The following SEMA6D variants were observed in gnomAD, a reference collection of about 807,000 sequenced individuals.
SEMA6D encodes the protein semaphorin 6D.
SEMA6D carries 35 observed loss-of-function variants against 106.6 expected under a neutral mutation model. The ratio of observed to expected loss-of-function variants is 0.33; its 90% CI spans 0.25 to 0.44. The LOEUF (loss-of-function observed/expected upper bound fraction) is 0.44, where lower values mean the gene tolerates loss of function less well. Among genes scored for constraint, SEMA6D ranks in the 20% least tolerant of loss-of-function variants. The pLI, the probability that SEMA6D is intolerant of heterozygous loss-of-function variation, is 1.00. For missense variants in SEMA6D, 1,185 were observed against 1,345.9 expected, an observed-to-expected ratio of 0.88 and a Z score of 1.87; for synonymous variants, 499 against 487.7, an observed-to-expected ratio of 1.02 and a Z score of -0.31.
chr15:47,610,178 G>T (rs1312947814), intron 4 of SEMA6D, among the ~76,000 whole-genome samples: 1 of 152,188 alleles, frequency 6.6e-6, no homozygotes, highest in Non-Finnish European at 1.5e-5. Context: ...TCTTCCTCCA[G>T]GACCTAGCCA....
chr15:47,289,393 C>CAAAAAAA (rs746946975), intron 1 of SEMA6D, among the ~76,000 whole-genome samples: 72 of 46,406 alleles, frequency 1.6e-3, no homozygotes, highest in East Asian at 7.5e-3. Context: ...AACTCCATCT[C>CAAAAAAA]AAAAAAAAAA....
rs766537450 is a variant in SEMA6D at position 47,547,377 on chromosome 15, A to G, written c.-86-53488A>G. Among the ~76,000 whole-genome samples the G allele has an allele frequency of 7.9e-5, 12 of 152,156 alleles. 1 individual carries two copies. The highest frequency in any genetic ancestry group is 1.5e-4 in the Non-Finnish European group (10 of 68,016). On this transcript the variant is annotated intron_variant, in intron 3 of 19. Coordinates refer to the SEMA6D transcript ENST00000558014. ...ATTAATACTCACTGATTAGCTTTAT[A>G]TAGCCTAAAGCTTGGGAAAGACCCT...
At chr15:47,617,354 T>A (rs1319857076) in intron 4 of SEMA6D, among the ~76,000 whole-genome samples, 1 of 152,150 alleles carries the variant, frequency 6.6e-6, no homozygotes, top group Non-Finnish European at 1.5e-5. Context: ...CGAAAAGTAG[T>A]TGCTAATGGG....
chr15:47,383,666 T>A (rs1328256714), intron 1 of SEMA6D, among the ~76,000 whole-genome samples: 1 of 152,204 alleles, frequency 6.6e-6, no homozygotes, highest in East Asian at 1.9e-4. Context: ...CTGAGTTAAA[T>A]ATTAAAATCA....
chr15:47,550,352 G>C (rs190952383), intron 3 of SEMA6D, among the ~76,000 whole-genome samples: 194 of 152,156 alleles, frequency 1.3e-3, no homozygotes, highest in Middle Eastern at 3.4e-3. Flanking sequence ...AAATAACAAG[G>C]AAGAGGGGAG....
chr15:47,443,809 A>G (rs982865003), intron 2 of SEMA6D, among the ~76,000 whole-genome samples: 3 of 152,120 alleles, frequency 2.0e-5, no homozygotes, highest in African/African-American at 4.8e-5. Context: ...TGGGAAAAAG[A>G]TATCAGGCTG....
chr15:47,613,077 T>A (rs2076942396), intron 4 of SEMA6D, among the ~76,000 whole-genome samples: 1 of 152,196 alleles, frequency 6.6e-6, no homozygotes, highest in Non-Finnish European at 1.5e-5. Context: ...CATCTGATTA[T>A]TCTAAAATCT....
chr15:47,589,060 A>G (rs927320371), intron 3 of SEMA6D, among the ~76,000 whole-genome samples: 1 of 152,190 alleles, frequency 6.6e-6, no homozygotes, highest in Non-Finnish European at 1.5e-5. Flanking sequence ...AGGTTGAGAA[A>G]CACTGAATGA....
intron 4 of SEMA6D, among the ~76,000 whole-genome samples, chr15:47,624,003 C>T (rs2077157709): frequency 6.6e-6 from 1 of 152,172 alleles, no homozygotes; most frequent in East Asian, 1.9e-4. Context: ...GACAAAACTC[C>T]CCGTGAGCTG....
intron 1 of SEMA6D, among the ~76,000 whole-genome samples, chr15:47,339,413 C>T (rs896966094): frequency 2.0e-5 from 3 of 152,092 alleles, no homozygotes; most frequent in East Asian, 1.9e-4. Context: ...GAATTGAATT[C>T]GAAGATACCC....
chr15:47,641,229 C>T (rs1213177664), intron 4 of SEMA6D, among the ~76,000 whole-genome samples: 1 of 132,438 alleles, frequency 7.6e-6, no homozygotes, highest in Non-Finnish European at 1.7e-5. Context: ...CAGCAGGAAA[C>T]AAGAACCACG....
At chr15:47,190,592 T>G (rs1893893833) in intron 1 of SEMA6D, among the ~76,000 whole-genome samples, 1 of 152,170 alleles carries the variant, frequency 6.6e-6, no homozygotes, top group Non-Finnish European at 1.5e-5. Flanking sequence ...AATGACCAAA[T>G]AAAAAATGAA....
At chr15:47,407,252 C>G (rs2040607236) in intron 1 of SEMA6D, among the ~76,000 whole-genome samples, 1 of 151,236 alleles carries the variant, frequency 6.6e-6, no homozygotes, top group South Asian at 2.1e-4. Context: ...GCCTGTAATC[C>G]CAGCTACTTG....
At chr15:47,594,700 A>G (rs12900091) in intron 3 of SEMA6D, among the ~76,000 whole-genome samples, 65,300 of 152,006 alleles carry the variant, frequency 0.43, 15,637 homozygotes, top group Non-Finnish European at 0.54. Context: ...TACACAGAAA[A>G]GTATAATTTA....
exon 4 of SEMA6D, chr15:47,600,872 A>C (rs1437820722): frequency 6.6e-6 from 1 of 152,042 alleles, no homozygotes; most frequent in Non-Finnish European, 1.5e-5. Flanking sequence ...CAGGTTTTTG[A>C]CCAGACAAGC....
At chr15:47,541,387 A>G (rs1466664756) in intron 3 of SEMA6D, among the ~76,000 whole-genome samples, 2 of 152,192 alleles carry the variant, frequency 1.3e-5, no homozygotes, top group African/African-American at 2.4e-5. Flanking sequence ...AAGAATCCCT[A>G]TAGTAAATAA....
rs980145804 is a variant in SEMA6D at position 47,503,718 on chromosome 15, T to G, written c.-87+33173T>G. On this transcript the variant is annotated intron_variant, in intron 3 of 19. Coordinates refer to the SEMA6D transcript ENST00000558014. The stretch of plus-strand genomic sequence containing the variant: ...ACACACACACACACACACACACACA[T>G]TCACACAAATCCCTGTATGTGACAG... Among the ~76,000 whole-genome samples, 4 of 127,808 alleles carry G rather than the reference T, an allele frequency of 3.1e-5. No individual in the cohort carries two copies. In the Admixed American group the frequency reaches 3.4e-4, roughly 11 times the overall value. The allele number at this position is 127,808 out of a possible 152,430, so 83.8% of individuals were successfully genotyped here.
At chr15:47,708,323 A>G (rs867364883) in intron 4 of SEMA6D, among the ~76,000 whole-genome samples, 3 of 152,110 alleles carry the variant, frequency 2.0e-5, no homozygotes, top group South Asian at 2.1e-4. Flanking sequence ...TGGCCCCAGT[A>G]TACCATGCCC....
chr15:47,356,898 T>G lies in SEMA6D; in HGVS notation c.-238-55495T>G, dbSNP rs1033927762. On this transcript the variant is annotated intron_variant, in intron 1 of 19. Coordinates refer to the SEMA6D transcript ENST00000558014. ...AACAGACCCAAACCATTTAATTTTATTTTATGCATAAGTGAGAATAGAACC... is the reference window on the plus strand; with the variant it reads ...AACAGACCCAAACCATTTAATTTTAGTTTATGCATAAGTGAGAATAGAACC... 6.6e-5 allele frequency among the ~76,000 whole-genome samples: 10 copies of G among 152,190 alleles called. 1 individual carries two copies. In the South Asian group the frequency reaches 2.1e-3, roughly 32 times the overall value.
Sources: allele counts gnomAD v4.1 joint callset (sites outside exome capture counted in the v4.1 genomes callset), GRCh38; gene constraint gnomAD v4.1.1; transcripts MANE v1.5; gene names NCBI Gene and HGNC (gene_info 2026-07-23, HGNC 2026-07-21).